Variants in ANKFY1 observed in about 807,000 individuals in gnomAD.
ANKFY1 encodes ankyrin repeat and FYVE domain containing 1, also known as ankyrin repeat and FYVE domain-containing protein 1.
In ANKFY1, 47 loss-of-function variants were observed where a neutral mutation model predicts 128.3. The observed-to-expected ratio is 0.37, with a 90% confidence interval of 0.29 to 0.47. The LOEUF (loss-of-function observed/expected upper bound fraction) is 0.47, where lower values mean the gene tolerates loss of function less well. ANKFY1 is among the 20% of genes least tolerant of loss of function. The pLI, the probability that ANKFY1 is intolerant of heterozygous loss-of-function variation, is 1.00. For missense variants in ANKFY1, 1,222 were observed against 1,510.6 expected, an observed-to-expected ratio of 0.81 and a Z score of 3.17; for synonymous variants, 553 against 601.6, an observed-to-expected ratio of 0.92 and a Z score of 1.18.
intron 21 of ANKFY1, 40 bp from the exon 22 acceptor site, chr17:4,172,720 A>G: frequency 1.2e-6 from 2 of 1,609,904 alleles, no homozygotes; most frequent in Non-Finnish European, 1.7e-6. Context: ...TGTATCTGCC[A>G]TGGCCATCAC....
At chr17:4,187,625 C>G in intron 11 of ANKFY1, 1 of 214,704 alleles carries the variant, frequency 4.7e-6, no homozygotes, top group Non-Finnish European at 9.2e-6. Context: ...AGAGAAGGAA[C>G]AACAGCGGGT....
chr17:4,239,429 C>T (rs940872308), intron 2 of ANKFY1, among the ~76,000 whole-genome samples: 1 of 152,208 alleles, frequency 6.6e-6, no homozygotes, highest in Non-Finnish European at 1.5e-5. Flanking sequence ...CTATCCTTTA[C>T]TCAGAATATA....
chr17:4,185,703 G>A (rs2059598781), intron 11 of ANKFY1, among the ~76,000 whole-genome samples: 2 of 151,146 alleles, frequency 1.3e-5, no homozygotes, highest in African/African-American at 2.4e-5. Flanking sequence ...TCACCTCCAA[G>A]GTCCTCTTTA....
chr17:4,227,274 A>G (rs990871141), intron 3 of ANKFY1, among the ~76,000 whole-genome samples: 13 of 152,304 alleles, frequency 8.5e-5, no homozygotes, highest in African/African-American at 2.6e-4. Context: ...TTACATACCA[A>G]TATCCCTCAT....
chr17:4,202,628 C>T (rs1249724632), intron 7 of ANKFY1, among the ~76,000 whole-genome samples: 2 of 129,096 alleles, frequency 1.5e-5, no homozygotes, highest in Non-Finnish European at 3.1e-5. Context: ...ACCCGGGAGG[C>T]GGAGCTTGCA....
chr17:4,168,068 T>A, intron 24 of ANKFY1, 157 bp from the exon 25 acceptor site: 2 of 714,414 alleles, frequency 2.8e-6, no homozygotes, highest in Non-Finnish European at 4.4e-6. Context: ...ACAATTCATG[T>A]AGAATTTTTA....
chr17:4,192,943 A>G (rs1490046906), intron 10 of ANKFY1, among the ~76,000 whole-genome samples: 1 of 152,202 alleles, frequency 6.6e-6, no homozygotes. Flanking sequence ...GAAATATATC[A>G]ATAGAAAAAA....
chr17:4,204,410 C>T (rs2059986698), intron 7 of ANKFY1, among the ~76,000 whole-genome samples: 1 of 152,208 alleles, frequency 6.6e-6, no homozygotes, highest in Non-Finnish European at 1.5e-5. Context: ...CAGATTCAAA[C>T]CTTGGTGAAT....
At position 4,170,728 on chromosome 17, in the gene ANKFY1, C is replaced by G. The variant is rs754031562; in HGVS notation, c.3273G>C (p.Leu1091=). The G allele has an allele frequency of 2.5e-6, 4 of 1,611,614 alleles. No homozygotes were observed. Among genetic ancestry groups the G allele is most frequent in the East Asian group, 4.5e-5 (2 of 44,886 alleles). The change falls in exon 23 of 25, where the codon CTG becomes CTC. Residue 1091 remains leucine, a synonymous_variant. Coordinates refer to ENST00000341657, the MANE Select transcript of ANKFY1 (RefSeq NM_001330063.2). ...CGGGCCACTCACCCAGCAGTCGGAA[C>G]AGGAGCTGCTTGGTGGCGACCTGGT... is the stretch of plus-strand genomic sequence containing the variant. ...FNYQVATKQL[L]FRLLDMLSKE... is the part of the protein sequence containing the mutation.
Position 4,192,450 on chromosome 17 carries a change from G to T in ANKFY1, c.1372+2528C>A, listed in dbSNP as rs1052829981. Among the ~76,000 whole-genome samples, 71 of 145,260 alleles carry T rather than the reference G, an allele frequency of 4.9e-4. 1 individual carries two copies. Among genetic ancestry groups the T allele is most frequent in the Non-Finnish European group, 1.8e-4 (12 of 66,476 alleles). ...ATCTGGAGACTCTTAGTTGATGGTT[G>T]CTCTAATCTGGAGACTCCTAGTTGA... On this transcript the variant is annotated intron_variant, in intron 10 of 24. Transcript: ENST00000341657.
Position 4,178,070 on chromosome 17 carries a change from C to G in ANKFY1, c.2599-768G>C, listed in dbSNP as rs1170349052. ...CTTTCATCAGCAGTCCAGTTTCACACTGGAGAGAAGAAACGGGAGAGGCCA... is the reference window on the plus strand; with the variant it reads ...CTTTCATCAGCAGTCCAGTTTCACAGTGGAGAGAAGAAACGGGAGAGGCCA... On this transcript the variant is annotated intron_variant, in intron 18 of 24. Transcript: ENST00000341657. The surrounding 1 kb of genome is among the most constrained non-coding windows in gnomAD (Gnocchi z 4.1). 6.6e-6 allele frequency: 1 copy of G among 152,562 alleles called. No individual in the cohort carries two copies. Among genetic ancestry groups the G allele is most frequent in the Admixed American group, 6.5e-5 (1 of 15,296 alleles). 9.5% of individuals were successfully genotyped at this position (152,562 alleles called of 1,614,324 possible). A position where few individuals can be genotyped will look rare whatever the true frequency, so the allele number is the denominator to read the frequency against.
intron 14 of ANKFY1, among the ~76,000 whole-genome samples, chr17:4,182,882 G>C (rs2059540335): frequency 6.6e-6 from 1 of 152,134 alleles, no homozygotes; most frequent in Admixed American, 6.6e-5. Flanking sequence ...GAGGCAGGCA[G>C]ATCACTTGAG....
chr17:4,257,909 T>C (rs930659447), intron 1 of ANKFY1, among the ~76,000 whole-genome samples: 12 of 152,214 alleles, frequency 7.9e-5, no homozygotes, highest in African/African-American at 2.9e-4. Context: ...AATTTCTCAT[T>C]TGGTTCAGCA....
chr17:4,194,103 A>ATATATTTT (rs1555627694), intron 10 of ANKFY1, among the ~76,000 whole-genome samples: 6 of 108,162 alleles, frequency 5.5e-5, no homozygotes, highest in African/African-American at 2.0e-4. Flanking sequence ...ATATATATAT[A>ATATATTTT]TTTTTTTTTT....
intron 2 of ANKFY1, among the ~76,000 whole-genome samples, chr17:4,238,640 A>G (rs1254657594): frequency 6.6e-6 from 1 of 151,538 alleles, no homozygotes; most frequent in Non-Finnish European, 1.5e-5. Context: ...CGCTCCGCCT[A>G]TTTTTGTATT....
intron 4 of ANKFY1, among the ~76,000 whole-genome samples, chr17:4,214,280 C>T (rs1420808027): frequency 6.6e-6 from 1 of 152,220 alleles, no homozygotes; most frequent in African/African-American, 2.4e-5. Flanking sequence ...AGACATTTCA[C>T]TGTCACCAAT....
chr17:4,255,243 CTTTTTT>C (rs1177087196), intron 1 of ANKFY1, among the ~76,000 whole-genome samples: 1 of 119,894 alleles, frequency 8.3e-6, no homozygotes, highest in Non-Finnish European at 1.7e-5. Flanking sequence ...TCATGTAATT[CTTTTTT>C]TTTTTTTTTT....
chr17:4,252,607 T>A (rs916627127), intron 1 of ANKFY1, among the ~76,000 whole-genome samples: 1 of 152,160 alleles, frequency 6.6e-6, no homozygotes, highest in Non-Finnish European at 1.5e-5. Context: ...GCCTGATACA[T>A]TGCTAATGGA....
chr17:4,215,982 G>T (rs2069098969), intron 4 of ANKFY1, among the ~76,000 whole-genome samples: 1 of 152,182 alleles, frequency 6.6e-6, no homozygotes, highest in African/African-American at 2.4e-5. Flanking sequence ...AATCAGCTTT[G>T]CTAATAGCCT....
Sources: gnomAD v4.1 joint callset for allele counts (sites outside exome capture counted in the v4.1 genomes callset) on GRCh38, gnomAD v4.1.1 for gene constraint, Gnocchi (gnomAD v3.1) non-coding constraint, MANE v1.5 for transcripts, NCBI Gene and HGNC (gene_info 2026-07-23, HGNC 2026-07-21) for gene names.